DTNB: variants seen among roughly 807,000 people sequenced by gnomAD.
DTNB encodes DTN-B.
Under a neutral mutation model 90.7 loss-of-function variants are expected in DTNB, and 63 were observed. The ratio of observed to expected loss-of-function variants is 0.69; its 90% CI spans 0.57 to 0.86. The LOEUF (loss-of-function observed/expected upper bound fraction) is 0.86, where lower values mean the gene tolerates loss of function less well. DTNB is among the 40% of genes least tolerant of loss of function. The probability of loss-of-function intolerance (pLI) is 0.00; values close to 1 mark genes in which losing one functional copy is unlikely to be tolerated. For missense variants in DTNB, 744 were observed against 807.1 expected, an observed-to-expected ratio of 0.92 and a Z score of 0.95; for synonymous variants, 277 against 286.7, an observed-to-expected ratio of 0.97 and a Z score of 0.34.
intron 16 of DTNB, among the ~76,000 whole-genome samples, chr2:25,403,666 C>T (rs1362844696): frequency 2.0e-5 from 3 of 152,176 alleles, no homozygotes; most frequent in Non-Finnish European, 2.9e-5. Context: ...TTAAATGTTA[C>T]TTATGGGTAA....
chr2:25,572,966 G>A (rs1288784777), intron 8 of DTNB, among the ~76,000 whole-genome samples: 9 of 151,376 alleles, frequency 5.9e-5, no homozygotes, highest in Admixed American at 4.6e-4. Context: ...TTGAGATGGA[G>A]TTTCACTCTT....
At chr2:25,541,158 T>A (rs1472159334) in intron 8 of DTNB, among the ~76,000 whole-genome samples, 1 of 152,100 alleles carries the variant, frequency 6.6e-6, no homozygotes, top group Non-Finnish European at 1.5e-5. Flanking sequence ...TAAAGTTCAC[T>A]GCTTTTATTG....
intron 9 of DTNB, among the ~76,000 whole-genome samples, chr2:25,484,454 T>C (rs556674239): frequency 2.1e-4 from 32 of 152,210 alleles, no homozygotes; most frequent in Admixed American, 4.6e-4. Flanking sequence ...GCAGGTTTCA[T>C]AGTACACTCA....
intron 16 of DTNB, among the ~76,000 whole-genome samples, chr2:25,406,368 CTAAAAA>C (rs2045171112): frequency 6.6e-6 from 1 of 151,860 alleles, no homozygotes; most frequent in Non-Finnish European, 1.5e-5. Flanking sequence ...CCTGTCTCTA[CTAAAAA>C]TACAAAAAAA....
At chr2:25,477,076 G>A (rs2063880916) in intron 10 of DTNB, among the ~76,000 whole-genome samples, 2 of 152,212 alleles carry the variant, frequency 1.3e-5, no homozygotes, top group African/African-American at 4.8e-5. Context: ...ATTGAGGCAA[G>A]ACTCTCTACC....
intron 9 of DTNB, among the ~76,000 whole-genome samples, chr2:25,525,899 T>C (rs755533713): frequency 3.6e-4 from 54 of 151,728 alleles, no homozygotes; most frequent in Non-Finnish European, 5.2e-4. Context: ...AGAGGACTGG[T>C]TGAAAGAATG....
chr2:25,639,008 A>T lies in DTNB; in HGVS notation c.148+6T>A. 1 of 1,575,852 alleles carries T rather than the reference A, an allele frequency of 6.3e-7. No individual in the cohort carries two copies. The highest frequency in any genetic ancestry group is 2.3e-5 in the East Asian group (1 of 44,180). ...GCTATCACAGAAATGAGTAGAAATG[A>T]CTCACGGTTGCATCGTTTTTGTACA... On this transcript the variant is annotated splice_donor_region_variant and intron_variant, in intron 3 of 20. Coordinates refer to ENST00000406818, the MANE Select transcript of DTNB (RefSeq NM_021907.5).
intron 4 of DTNB, among the ~76,000 whole-genome samples, chr2:25,619,846 C>G (rs1464115435): frequency 6.6e-6 from 1 of 152,138 alleles, no homozygotes; most frequent in East Asian, 1.9e-4. Flanking sequence ...TTGAGACCAG[C>G]CTGACCAACA....
At chr2:25,599,940 T>TAA (rs59477379) in intron 5 of DTNB, among the ~76,000 whole-genome samples, 4 of 151,180 alleles carry the variant, frequency 2.6e-5, no homozygotes, top group Admixed American at 1.3e-4. Context: ...CTACAAAAAA[T>TAA]AAAAAAAATT....
Position 25,379,289 on chromosome 2 carries a change from C to T in DTNB, c.*29+1G>A. ...GGAGGCAGAGGACTCTTTGTACTCA[C>T]CTGAGCTTCCTCTGTGTCCGGCTCC... On this transcript the variant is annotated splice_donor_variant, in intron 20 of 20. Transcript: ENST00000406818. LOFTEE classifies it low-confidence loss of function (3UTR_SPLICE). 3.0e-6 allele frequency: 4 copies of T among 1,326,696 alleles called. No individual in the cohort carries two copies. Among genetic ancestry groups the T allele is most frequent in the African/African-American group, 1.5e-5 (1 of 66,554 alleles). The allele number at this position is 1,326,696 out of a possible 1,614,324, so 82.2% of individuals were successfully genotyped here.
intron 13 of DTNB, 108 bp from the exon 14 acceptor site, chr2:25,433,107 T>G (rs1302037530): frequency 9.2e-7 from 1 of 1,090,554 alleles, no homozygotes; most frequent in Non-Finnish European, 1.3e-6. Flanking sequence ...CTACCAATCT[T>G]GTTTTGATTG....
chr2:25,470,543 T>C (rs1460140258), intron 10 of DTNB, among the ~76,000 whole-genome samples: 2 of 151,866 alleles, frequency 1.3e-5, no homozygotes, highest in African/African-American at 4.8e-5. Context: ...ACCCAGCTAA[T>C]TTTTTGTATT....
intron 4 of DTNB, among the ~76,000 whole-genome samples, chr2:25,614,004 T>A (rs1048488301): frequency 7.2e-5 from 11 of 152,116 alleles, no homozygotes; most frequent in Admixed American, 7.2e-4. Flanking sequence ...CAGGGAGCTT[T>A]ATCCCAAGAA....
At chr2:25,515,937 T>A (rs1350442827) in intron 9 of DTNB, among the ~76,000 whole-genome samples, 1 of 152,162 alleles carries the variant, frequency 6.6e-6, no homozygotes, top group Non-Finnish European at 1.5e-5. Context: ...AGAAACTCTG[T>A]CCTATTTATG....
At chr2:25,584,792 C>T (rs753920570) in intron 6 of DTNB, among the ~76,000 whole-genome samples, 2 of 151,998 alleles carry the variant, frequency 1.3e-5, no homozygotes, top group Admixed American at 6.6e-5. Context: ...CCTGACCTCA[C>T]GTGATCCACC....
intron 2 of DTNB, among the ~76,000 whole-genome samples, chr2:25,639,749 G>T (rs940658404): frequency 6.6e-6 from 1 of 152,196 alleles, no homozygotes; most frequent in Non-Finnish European, 1.5e-5. Context: ...CACAGAATGC[G>T]GCAGAAGTAC....
At chr2:25,511,784 T>C (rs1435249439) in intron 9 of DTNB, among the ~76,000 whole-genome samples, 6 of 152,132 alleles carry the variant, frequency 3.9e-5, no homozygotes. Context: ...TTCATCTCAA[T>C]AAACTCTATG....
At chr2:25,433,337 G>T (rs1478059298) in intron 13 of DTNB, among the ~76,000 whole-genome samples, 1 of 152,168 alleles carries the variant, frequency 6.6e-6, no homozygotes, top group Non-Finnish European at 1.5e-5. Context: ...TCCTAATGCA[G>T]GTCCTGTGCT....
At position 25,423,675 on chromosome 2, in the gene DTNB, CT is replaced by C. The variant is rs58086900; in HGVS notation, c.1554+3859del. On this transcript the variant is annotated intron_variant, in intron 15 of 20. Coordinates refer to ENST00000406818, the MANE Select transcript of DTNB (RefSeq NM_021907.5). Reference sequence around the variant, plus strand: ...TAAATTAAAATTAGGATTTTCTTTTCTTTTTTTTTTTTCTTGCTCTGTTGCC... The same window carrying C: ...TAAATTAAAATTAGGATTTTCTTTTCTTTTTTTTTTTCTTGCTCTGTTGCC... Among the ~76,000 whole-genome samples, 844 of 146,166 alleles carry C rather than the reference CT, an allele frequency of 5.8e-3. 8 individuals are homozygous for C. Among genetic ancestry groups the C allele is most frequent in the African/African-American group, 0.018 (725 of 40,156 alleles).
Sources: allele counts gnomAD v4.1 joint callset (sites outside exome capture counted in the v4.1 genomes callset), GRCh38; gene constraint gnomAD v4.1.1; transcripts MANE v1.5; gene names NCBI Gene and HGNC (gene_info 2026-07-23, HGNC 2026-07-21).